HSPA12A: variants seen among roughly 807,000 people sequenced by gnomAD.
The protein encoded by HSPA12A is heat shock 70 kDa protein 12A.
In HSPA12A, 28 loss-of-function variants were observed where a neutral mutation model predicts 69.2. The observed-to-expected ratio is 0.40, with a 90% CI of 0.30 to 0.55. The LOEUF (loss-of-function observed/expected upper bound fraction) is 0.55, where lower values mean the gene tolerates loss of function less well. Ranked by LOEUF, HSPA12A falls within the 20% of genes least tolerant of loss-of-function variation. The probability of loss-of-function intolerance (pLI) is 0.38; values close to 1 mark genes in which losing one functional copy is unlikely to be tolerated. For missense variants in HSPA12A, 686 were observed against 900.7 expected, an observed-to-expected ratio of 0.76 and a Z score of 3.05; for synonymous variants, 345 against 370.5, an observed-to-expected ratio of 0.93 and a Z score of 0.79.
At chr10:116,777,972 C>T (rs1212485283) in intron 2 of HSPA12A, among the ~76,000 whole-genome samples, 2 of 152,170 alleles carry the variant, frequency 1.3e-5, no homozygotes, top group Admixed American at 6.5e-5. Flanking sequence ...ATGATCCGCC[C>T]GCCTCAACCT....
chr10:116,731,079 C>T (rs138509697), intron 1 of HSPA12A, among the ~76,000 whole-genome samples: 1 of 152,348 alleles, frequency 6.6e-6, no homozygotes, highest in African/African-American at 2.4e-5. Context: ...TCAGTCAATG[C>T]TACATCCTCC....
At chr10:116,790,922 C>T (rs990296183) in intron 2 of HSPA12A, among the ~76,000 whole-genome samples, 1 of 152,180 alleles carries the variant, frequency 6.6e-6, no homozygotes, top group East Asian at 1.9e-4. Flanking sequence ...AACTCCTGAC[C>T]TCAAGTGATC....
intron 2 of HSPA12A, among the ~76,000 whole-genome samples, chr10:116,767,578 G>A (rs1336917381): frequency 6.6e-6 from 1 of 152,194 alleles, no homozygotes; most frequent in Non-Finnish European, 1.5e-5. Context: ...ACTGGGTGGG[G>A]CACAGTGAGT....
chr10:116,676,371 C>A, intron 11 of HSPA12A, 28 bp downstream of exon 11: 1 of 1,572,174 alleles, frequency 6.4e-7, no homozygotes, highest in Non-Finnish European at 8.7e-7. Context: ...TCTGCCTCGC[C>A]GAGTGGCCGA....
At chr10:116,770,034 C>A (rs1047686238) in intron 2 of HSPA12A, among the ~76,000 whole-genome samples, 1 of 152,288 alleles carries the variant, frequency 6.6e-6, no homozygotes, top group African/African-American at 2.4e-5. Context: ...TGACTCAGAG[C>A]AGAATGAGGC....
At chr10:116,762,002 G>T (rs1251012047) in intron 2 of HSPA12A, among the ~76,000 whole-genome samples, 1 of 152,184 alleles carries the variant, frequency 6.6e-6, no homozygotes, top group Non-Finnish European at 1.5e-5. Context: ...ATGCAACATT[G>T]TGCTAAGGCT....
At chr10:116,844,330 A>G (rs768262488) in intron 1 of HSPA12A, among the ~76,000 whole-genome samples, 6 of 152,210 alleles carry the variant, frequency 3.9e-5, no homozygotes, top group Admixed American at 1.3e-4. Flanking sequence ...TGTTATTACT[A>G]TTATAGTGGT....
At chr10:116,750,373 A>C in intron 2 of HSPA12A, 1 of 725,484 alleles carries the variant, frequency 1.4e-6, no homozygotes, top group South Asian at 1.4e-5. Context: ...CTGGCAATAA[A>C]GTCTTGGGGG....
intron 4 of HSPA12A, among the ~76,000 whole-genome samples, chr10:116,699,532 T>C (rs1265941983): frequency 6.6e-6 from 1 of 152,154 alleles, no homozygotes; most frequent in Non-Finnish European, 1.5e-5. Flanking sequence ...TGTCCCAGGC[T>C]GGGTAATTAT....
chr10:116,682,297 T>A (rs1849431718), intron 7 of HSPA12A, among the ~76,000 whole-genome samples: 1 of 152,210 alleles, frequency 6.6e-6, no homozygotes, highest in African/African-American at 2.4e-5. Flanking sequence ...AATGGGTTAA[T>A]GAAATCGCCT....
At chr10:116,841,777 A>C (rs980624199) in intron 1 of HSPA12A, among the ~76,000 whole-genome samples, 1 of 152,010 alleles carries the variant, frequency 6.6e-6, no homozygotes, top group Non-Finnish European at 1.5e-5. Flanking sequence ...TTCATTTGTG[A>C]CTGTTTTTTC....
intron 2 of HSPA12A, among the ~76,000 whole-genome samples, chr10:116,705,634 C>G (rs1166525453): frequency 6.6e-6 from 1 of 152,238 alleles, no homozygotes; most frequent in Non-Finnish European, 1.5e-5. Context: ...CTTCCAAGCC[C>G]TGCTGCCTTC....
chr10:116,714,871 G>A (rs754291024), intron 1 of HSPA12A, among the ~76,000 whole-genome samples: 1 of 152,202 alleles, frequency 6.6e-6, no homozygotes, highest in Non-Finnish European at 1.5e-5. Flanking sequence ...CGTGCATCCT[G>A]CTTCTACAGC....
intron 2 of HSPA12A, among the ~76,000 whole-genome samples, chr10:116,807,752 G>T (rs113612971): frequency 6.6e-6 from 1 of 152,324 alleles, no homozygotes. Context: ...CACTGCAGCC[G>T]TTCAGCCCCA....
At chr10:116,681,037 T>C (rs1849385639) in intron 9 of HSPA12A, 115 bp downstream of exon 9, 1 of 704,922 alleles carries the variant, frequency 1.4e-6, no homozygotes, top group African/African-American at 1.7e-5. Context: ...CCGCCTACGA[T>C]CCCACATGTT....
At chr10:116,767,333 T>C (rs549882848) in intron 2 of HSPA12A, among the ~76,000 whole-genome samples, 137 of 152,160 alleles carry the variant, frequency 9.0e-4, no homozygotes, top group Non-Finnish European at 1.4e-3. Flanking sequence ...ACTGTGTTCA[T>C]CCCCCTTCCT....
At chr10:116,704,014 G>C (rs546953036) in intron 3 of HSPA12A, among the ~76,000 whole-genome samples, 3 of 152,160 alleles carry the variant, frequency 2.0e-5, no homozygotes, top group Non-Finnish European at 4.4e-5. Context: ...ACTGTTGGTG[G>C]GACTGTAAAC....
intron 1 of HSPA12A, among the ~76,000 whole-genome samples, chr10:116,846,407 T>C (rs190159585): frequency 1.8e-4 from 27 of 151,934 alleles, no homozygotes; most frequent in Admixed American, 3.3e-4. Context: ...TGGAGCACAG[T>C]GGCACAATCT....
In HSPA12A at chr10:116,683,935, C is replaced by G; in HGVS notation, c.691G>C (p.Glu231Gln). The part of the protein sequence containing the change: ...QAGLASPENS[E>Q]QLIIALEPEA... ...GGCTCCAAGGCAATGATGAGCTGCT[C>G]CGAGTTCTCGGGGGAGGCCAGGCCT... is the stretch of plus-strand genomic sequence containing the variant. The change falls in exon 7 of 12, where the codon GAG (glutamate) becomes CAG (glutamine). Residue 231 changes from glutamate (E) to glutamine (Q), a missense_variant. Coordinates refer to ENST00000369209, the MANE Select transcript of HSPA12A (RefSeq NM_025015.3). 6.3e-7 allele frequency: 1 copy of G among 1,582,516 alleles called. No individual in the cohort carries two copies. The highest frequency in any genetic ancestry group is 8.6e-7 in the Non-Finnish European group (1 of 1,156,470).
Sources: gnomAD v4.1 joint callset for allele counts (sites outside exome capture counted in the v4.1 genomes callset) on GRCh38, gnomAD v4.1.1 for gene constraint, MANE v1.5 for transcripts, NCBI Gene and HGNC (gene_info 2026-07-23, HGNC 2026-07-21) for gene names.